CACNA2D3: variants seen among roughly 807,000 people sequenced by gnomAD.
CACNA2D3 encodes the protein calcium voltage-gated channel auxiliary subunit alpha2delta 3.
CACNA2D3 carries 60 observed loss-of-function variants against 160.6 expected under a neutral mutation model. The observed-to-expected ratio is 0.37, with a 90% CI of 0.30 to 0.46. The LOEUF is 0.46. Among genes scored for constraint, CACNA2D3 ranks in the 20% least tolerant of loss-of-function variants. The pLI is 1.00. For synonymous variants in CACNA2D3, 558 were observed against 492.9 expected, an observed-to-expected ratio of 1.13 and a Z score of -1.75; for missense variants, 1,205 against 1,365.0, an observed-to-expected ratio of 0.88 and a Z score of 1.85.
At chr3:54,970,278 A>C (rs1702239227) in intron 29 of CACNA2D3, among the ~76,000 whole-genome samples, 1 of 152,170 alleles carries the variant, frequency 6.6e-6, no homozygotes, top group Non-Finnish European at 1.5e-5. Flanking sequence ...TGATTCAGCT[A>C]ATTTCATGTA....
chr3:54,937,527 C>T (rs1701360395), intron 27 of CACNA2D3, among the ~76,000 whole-genome samples: 1 of 152,100 alleles, frequency 6.6e-6, no homozygotes, highest in Non-Finnish European at 1.5e-5. Flanking sequence ...TGGACCTGTG[C>T]AGTTCAAACT....
At chr3:54,660,302 A>G (rs1262314873) in intron 11 of CACNA2D3, among the ~76,000 whole-genome samples, 1 of 151,944 alleles carries the variant, frequency 6.6e-6, no homozygotes, top group Admixed American at 6.6e-5. Context: ...CTGGGACTAC[A>G]GGCGCCCACC....
Position 54,729,625 on chromosome 3 carries a change from T to C in CACNA2D3, c.1168-22974T>C, listed in dbSNP as rs140983861. Among the ~76,000 whole-genome samples the C allele has an allele frequency of 4.1e-3, 619 of 152,294 alleles. 6 individuals carry two copies. Among genetic ancestry groups the C allele is most frequent in the African/African-American group, 0.014 (590 of 41,554 alleles). On this transcript the variant is annotated intron_variant, in intron 11 of 37. Coordinates refer to ENST00000474759, the MANE Select transcript of CACNA2D3 (RefSeq NM_018398.3). ...CGAGTGTTATCAATAAGAGTATTGC[T>C]TTTGTCTCTGTTCGGTGGGTCTTCC...
At position 54,701,237 on chromosome 3, in the gene CACNA2D3, A is replaced by G. The variant is rs77809333; in HGVS notation, c.1168-51362A>G. 9.4e-3 allele frequency among the ~76,000 whole-genome samples: 1,428 copies of G among 152,306 alleles called. 36 individuals are homozygous for G. The highest frequency in any genetic ancestry group is 0.033 in the African/African-American group (1,360 of 41,560). ...GCACTCCACCAAAAAAGATCATCTA[A>G]TGTTTGAAAGTGGATCAGAAGCAAA... On this transcript the variant is annotated intron_variant, in intron 11 of 37. Coordinates refer to ENST00000474759, the MANE Select transcript of CACNA2D3 (RefSeq NM_018398.3).
Position 55,055,403 on chromosome 3 carries a change from G to T in CACNA2D3, c.2988-18042G>T, listed in dbSNP as rs111412545. ...GGCTCTTTATTCTGTTCCATTAATA[G>T]ATGTGTTTATTTCTTTGCCAGAATC... On this transcript the variant is annotated intron_variant, in intron 35 of 37. Transcript: ENST00000474759. Among the ~76,000 whole-genome samples the T allele has an allele frequency of 9.2e-3, 1,401 of 152,054 alleles. 25 individuals carry two copies. Among genetic ancestry groups the T allele is most frequent in the African/African-American group, 0.032 (1,325 of 41,518 alleles).
intron 11 of CACNA2D3, among the ~76,000 whole-genome samples, chr3:54,698,852 G>A (rs929903006): frequency 6.6e-6 from 1 of 152,130 alleles, no homozygotes; most frequent in Non-Finnish European, 1.5e-5. Context: ...CACCCTGTGT[G>A]TTTTCCCCAA....
intron 2 of CACNA2D3, among the ~76,000 whole-genome samples, chr3:54,290,811 A>G (rs1319618667): frequency 1.3e-5 from 2 of 152,304 alleles, no homozygotes; most frequent in African/African-American, 2.4e-5. Flanking sequence ...TCGCAAGGAT[A>G]AAAAACCAAA....
chr3:54,975,780 CT>C (rs1316673056), intron 29 of CACNA2D3, among the ~76,000 whole-genome samples: 1 of 152,062 alleles, frequency 6.6e-6, no homozygotes, highest in East Asian at 1.9e-4. Flanking sequence ...AAAAATCCCC[CT>C]AAACTATGTC....
intron 2 of CACNA2D3, among the ~76,000 whole-genome samples, chr3:54,265,532 G>A (rs1040013002): frequency 1.2e-4 from 10 of 80,260 alleles, no homozygotes; most frequent in Admixed American, 3.1e-4. Flanking sequence ...CTTAAAGTAT[G>A]TGTGTGTGTG....
At chr3:54,984,151 C>G (rs1295249109) in intron 29 of CACNA2D3, among the ~76,000 whole-genome samples, 2 of 152,198 alleles carry the variant, frequency 1.3e-5, no homozygotes, top group African/African-American at 4.8e-5. Flanking sequence ...TGATGGTCCT[C>G]TGAGCTGACA....
At chr3:54,964,004 A>G (rs763923916) in intron 27 of CACNA2D3, among the ~76,000 whole-genome samples, 4 of 152,214 alleles carry the variant, frequency 2.6e-5, no homozygotes, top group Non-Finnish European at 5.9e-5. Flanking sequence ...GATAGTTCAA[A>G]AGAGAGGTCA....
chr3:54,141,584 C>G (rs985532673), intron 2 of CACNA2D3, among the ~76,000 whole-genome samples: 28 of 152,122 alleles, frequency 1.8e-4, no homozygotes, highest in Admixed American at 6.5e-4. Context: ...TTAAAAAGTC[C>G]TCGAACTCAG....
intron 30 of CACNA2D3, among the ~76,000 whole-genome samples, chr3:54,985,423 T>TA (rs1166114597): frequency 6.6e-6 from 1 of 152,048 alleles, no homozygotes; most frequent in Non-Finnish European, 1.5e-5. Context: ...CATTAACGTA[T>TA]AAAAAAAGGT....
At chr3:54,898,064 C>CGCTTGCTTGCTT (rs10660896) in intron 26 of CACNA2D3, among the ~76,000 whole-genome samples, 12,487 of 151,158 alleles carry the variant, frequency 0.083, 640 homozygotes, top group Non-Finnish European at 0.11. Flanking sequence ...GTCCGAAGCT[C>CGCTTGCTTGCTT]GCTTGCTTGC....
Position 54,620,141 on chromosome 3 carries a change from T to C in CACNA2D3, c.964-7646T>C, listed in dbSNP as rs550318937. On this transcript the variant is annotated intron_variant, in intron 9 of 37. Coordinates refer to ENST00000474759, the MANE Select transcript of CACNA2D3 (RefSeq NM_018398.3). ...CTTATCTGGAAGTCTCACTGAGGAG[T>C]TGGGCATCAGAATAGGGTGGACATG... 4.6e-5 allele frequency among the ~76,000 whole-genome samples: 7 copies of C among 152,086 alleles called. No homozygotes were observed. The South Asian group carries it at 1.2e-3, about 27-fold the overall frequency.
At chr3:55,072,153 CAAGAGTAGGAAGAGCA>C (rs1704823910) in intron 35 of CACNA2D3, among the ~76,000 whole-genome samples, 1 of 152,104 alleles carries the variant, frequency 6.6e-6, no homozygotes, top group African/African-American at 2.4e-5. Flanking sequence ...TAGTTCTAGA[CAAGAGTAGGAAGAGCA>C]GAGAGTAGGT....
At chr3:54,565,044 G>T (rs974078795) in intron 6 of CACNA2D3, among the ~76,000 whole-genome samples, 3 of 152,144 alleles carry the variant, frequency 2.0e-5, no homozygotes, top group Non-Finnish European at 4.4e-5. Context: ...ATTTCTCAGT[G>T]GGGGTTCCAG....
intron 2 of CACNA2D3, among the ~76,000 whole-genome samples, chr3:54,162,108 T>C (rs1700357508): frequency 6.6e-6 from 1 of 152,218 alleles, no homozygotes; most frequent in Non-Finnish European, 1.5e-5. Context: ...AGAGGCTGTC[T>C]TTCACTCAAG....
At chr3:55,031,107 A>G (rs1448564600) in intron 35 of CACNA2D3, among the ~76,000 whole-genome samples, 1 of 152,128 alleles carries the variant, frequency 6.6e-6, no homozygotes, top group Non-Finnish European at 1.5e-5. Flanking sequence ...GCCAAGGAAT[A>G]TTTTTAGAAT....
Sources: allele counts gnomAD v4.1 joint callset (sites outside exome capture counted in the v4.1 genomes callset), GRCh38; gene constraint gnomAD v4.1.1; transcripts MANE v1.5; gene names NCBI Gene and HGNC (gene_info 2026-07-23, HGNC 2026-07-21).